Variants in ANKRD26 observed in about 807,000 individuals in gnomAD.
ANKRD26 encodes ankyrin repeat domain 26.
In ANKRD26, 141 loss-of-function variants were observed where a neutral mutation model predicts 208.7. That is an observed-to-expected ratio of 0.68 (90% confidence interval 0.59 to 0.78). ANKRD26 has a LOEUF of 0.78. ANKRD26 is among the 30% of genes least tolerant of loss of function. The probability of loss-of-function intolerance (pLI) is 0.00; values close to 1 mark genes in which losing one functional copy is unlikely to be tolerated. For synonymous variants in ANKRD26, 636 were observed against 660.4 expected, an observed-to-expected ratio of 0.96 and a Z score of 0.57; for missense variants, 1,889 against 1,938.7, an observed-to-expected ratio of 0.97 and a Z score of 0.48.
intron 16 of ANKRD26, among the ~76,000 whole-genome samples, chr10:27,052,871 T>A (rs924138155): frequency 5.3e-5 from 8 of 152,140 alleles, no homozygotes; most frequent in Admixed American, 2.0e-4. Flanking sequence ...AACCTTGGAA[T>A]CAGTGACCAG....
rs7083739 is a variant in ANKRD26, at chr10:27,060,272, T to A, written c.1564+73A>T. 1.1e-5 allele frequency: 15 copies of A among 1,320,268 alleles called. No individual in the cohort carries two copies. In the Admixed American group the frequency reaches 2.7e-4, roughly 24 times the overall value. The allele number at this position is 1,320,268 out of a possible 1,614,324, so 81.8% of individuals were successfully genotyped here. The stretch of plus-strand genomic sequence containing the variant: ...AAAAAAGAATTAGGAATAAGAAAAC[T>A]GTGAGCATTTCAAATATTTCAAAAA... On this transcript the variant is annotated intron_variant, in intron 15 of 33. Coordinates refer to ENST00000376087, the MANE Select transcript of ANKRD26 (RefSeq NM_014915.3).
Position 27,100,349 on chromosome 10 carries a change from A to C in ANKRD26, c.-23T>G, listed in dbSNP as rs2056611019. ...CATGGCCCAGGCGACCGGGCTTCAG[A>C]GACACCTCATGTCTCTCTCGGCTCT... On this transcript the variant is annotated 5_prime_UTR_variant, in exon 1 of 34. Transcript: ENST00000376087. The C allele has an allele frequency of 6.2e-7, 1 of 1,604,412 alleles. No individual in the cohort carries two copies. Among genetic ancestry groups the C allele is most frequent in the Non-Finnish European group, 8.5e-7 (1 of 1,179,752 alleles).
chr10:27,062,159 T>A (rs1033274496), intron 12 of ANKRD26: 1 of 984,884 alleles, frequency 1.0e-6, no homozygotes, highest in African/African-American at 1.7e-5. Context: ...CTTCCCATTC[T>A]ATATTCTTTT....
downstream of ANKRD26, among the ~76,000 whole-genome samples, chr10:26,970,422 C>T (rs1165030592): frequency 6.6e-6 from 1 of 152,090 alleles, no homozygotes; most frequent in East Asian, 1.9e-4. Flanking sequence ...TGAGTGACTT[C>T]TTGTGAGATC....
At chr10:27,044,896 T>C (rs939718003) in intron 18 of ANKRD26, among the ~76,000 whole-genome samples, 3 of 152,224 alleles carry the variant, frequency 2.0e-5, no homozygotes, top group African/African-American at 7.2e-5. Flanking sequence ...GAAAGTAATA[T>C]TTATTTTCAA....
chr10:26,970,114 G>A (rs866784398), downstream of ANKRD26, among the ~76,000 whole-genome samples: 1 of 152,012 alleles, frequency 6.6e-6, no homozygotes, highest in Non-Finnish European at 1.5e-5. Context: ...GAGCCACTTC[G>A]CCCGGCCCTA....
At chr10:27,062,236 A>G in intron 12 of ANKRD26, 3 of 972,908 alleles carry the variant, frequency 3.1e-6, no homozygotes, top group South Asian at 9.5e-5. Context: ...TACAATTTCT[A>G]TTTCTCCATC....
chr10:27,047,137 C>G (rs1332206497), intron 17 of ANKRD26, among the ~76,000 whole-genome samples: 1 of 152,062 alleles, frequency 6.6e-6, no homozygotes, highest in Non-Finnish European at 1.5e-5. Context: ...TGTTTTTAAA[C>G]ATCATAATGT....
downstream of ANKRD26, among the ~76,000 whole-genome samples, chr10:27,000,990 A>G (rs771778035): frequency 2.0e-5 from 3 of 152,260 alleles, no homozygotes; most frequent in Non-Finnish European, 2.9e-5. Context: ...CCTGGGCAAC[A>G]GAGCGAGACT....
chr10:26,957,814 T>C, the ANKRD26 span, among the ~76,000 whole-genome samples: 1 of 152,168 alleles, frequency 6.6e-6, no homozygotes, highest in Non-Finnish European at 1.5e-5. Context: ...ATGTTAACTA[T>C]TACAATTATT....
chr10:27,050,975 T>G, intron 16 of ANKRD26: 2 of 990,700 alleles, frequency 2.0e-6, no homozygotes, highest in Non-Finnish European at 2.6e-6. Context: ...ATTTTATACA[T>G]GAGCTCTTCA....
chr10:27,061,111 C>G, intron 13 of ANKRD26, 33 bp downstream of exon 13: 1 of 1,421,866 alleles, frequency 7.0e-7, no homozygotes, highest in Non-Finnish European at 9.9e-7. Flanking sequence ...TGTAGAATAA[C>G]AGTTAACAAA....
chr10:27,099,964 C>T, intron 1 of ANKRD26, 121 bp downstream of exon 1: 6 of 1,521,810 alleles, frequency 3.9e-6, no homozygotes, highest in Non-Finnish European at 5.4e-6. Context: ...GTGTCACCGT[C>T]CCAGGGGCTA....
intron 29 of ANKRD26, among the ~76,000 whole-genome samples, chr10:27,019,679 T>C (rs1253441089): frequency 6.6e-6 from 1 of 152,216 alleles, no homozygotes. Context: ...GTCTTTCTCC[T>C]GGCTATCTGC....
the ANKRD26 span, among the ~76,000 whole-genome samples, chr10:26,958,452 C>A: frequency 3.4e-4 from 51 of 152,218 alleles, no homozygotes; most frequent in South Asian, 2.1e-3. Flanking sequence ...CTCCCCTTAA[C>A]CCCCTACAGG....
chr10:27,048,828 G>A lies in ANKRD26; in HGVS notation c.1787C>T (p.Pro596Leu), dbSNP rs2054550014. The A allele has an allele frequency of 1.9e-6, 3 of 1,612,742 alleles. No homozygotes were observed. The highest frequency in any genetic ancestry group is 2.5e-6 in the Non-Finnish European group (3 of 1,179,554). ...KSGETDHQQF[P>L]RKENKEYASS... Reference sequence around the variant, plus strand: ...AGCATACTCTTTATTTTCCTTCCTGGGAAATTGCTGATGATCAGTTTCTCC... The same window carrying A: ...AGCATACTCTTTATTTTCCTTCCTGAGAAATTGCTGATGATCAGTTTCTCC... The change falls in exon 17 of 34, where the codon CCC (proline) becomes CTC (leucine). Residue 596 changes from proline to leucine, a missense_variant. Pro to Leu is a moderately conservative substitution (Grantham distance 98, BLOSUM62 -3). This residue lies in a region of ANKRD26 where 1,272 missense variants were observed against 1,273.8 expected (regional missense o/e 1.00). Transcript: ENST00000376087.
chr10:27,061,146 ATGTGGGCTACTG>A lies in ANKRD26; in HGVS notation c.1448_1459del (p.Pro483_Met487delinsLeu). The A allele has an allele frequency of 6.2e-7, 1 of 1,602,752 alleles. No homozygotes were observed. The highest frequency in any genetic ancestry group is 1.1e-5 in the South Asian group (1 of 90,838). On this transcript the variant is annotated inframe_deletion, in exon 13 of 34. Coordinates refer to ENST00000376087, the MANE Select transcript of ANKRD26 (RefSeq NM_014915.3). ...AAATACGCATTTTTTTTCCATACCCATGTGGGCTACTGGCATGCCTACATTTCTTGTATCCTC... is the reference window on the plus strand; with the variant it reads ...AAATACGCATTTTTTTTCCATACCCAGCATGCCTACATTTCTTGTATCCTC...
chr10:27,007,704 T>C (rs1036070683), intron 32 of ANKRD26, among the ~76,000 whole-genome samples: 1 of 152,192 alleles, frequency 6.6e-6, no homozygotes, highest in Non-Finnish European at 1.5e-5. Flanking sequence ...TTTAGAGAAT[T>C]AAAATTTTAA....
intron 9 of ANKRD26, among the ~76,000 whole-genome samples, chr10:27,073,528 G>A (rs948312581): frequency 1.3e-5 from 2 of 152,162 alleles, no homozygotes; most frequent in Non-Finnish European, 2.9e-5. Flanking sequence ...CTGCTTTCCT[G>A]TGGCTCCCTC....
Sources: gnomAD v4.1 joint callset for allele counts (sites outside exome capture counted in the v4.1 genomes callset) on GRCh38, gnomAD v4.1.1 for gene constraint, gnomAD v4.1.1 regional missense constraint, MANE v1.5 for transcripts, NCBI Gene and HGNC (gene_info 2026-07-23, HGNC 2026-07-21) for gene names.